Variants in MED13L observed in about 807,000 individuals in gnomAD.
MED13L encodes the protein mediator of RNA polymerase II transcription subunit 13-like.
MED13L carries 7 observed loss-of-function variants against 220.9 expected under a neutral mutation model. That is an observed-to-expected ratio of 0.03 (90% CI 0.02 to 0.06). MED13L has a LOEUF of 0.06. Ranked by LOEUF, MED13L falls within the 10% of genes least tolerant of loss-of-function variation. MED13L has a pLI of 1.00. For missense variants in MED13L, 1,965 were observed against 2,760.5 expected, an observed-to-expected ratio of 0.71 and a Z score of 6.46; for synonymous variants, 1,011 against 1,015.2, an observed-to-expected ratio of 1.00 and a Z score of 0.08.
At position 115,982,538 on chromosome 12, in the gene MED13L, G is replaced by A; in HGVS notation, c.5021C>T (p.Pro1674Leu). The change falls in exon 22 of 31, where the codon CCT (proline) becomes CTT (leucine). Residue 1674 changes from proline to leucine, a missense_variant. Transcript: ENST00000281928. ...CACCATGTAAATGACAACAGCTGGA[G>A]GGTGGGCATGGCTGTCTGCAGAGTC... ...EPDSADSHAH[P>L]PAVVIYMVDP... 1 of 1,614,148 alleles carries A rather than the reference G, an allele frequency of 6.2e-7. No homozygotes were observed. Among genetic ancestry groups the A allele is most frequent in the Non-Finnish European group, 8.5e-7 (1 of 1,180,020 alleles).
intron 2 of MED13L, chr12:116,168,992 A>C (rs1879486333): frequency 6.6e-6 from 1 of 152,252 alleles, no homozygotes; most frequent in African/African-American, 2.4e-5. Flanking sequence ...AGGGGTGTGA[A>C]GGAGGCCACA....
At chr12:116,112,504 T>C (rs530964852) in intron 2 of MED13L, among the ~76,000 whole-genome samples, 2 of 152,310 alleles carry the variant, frequency 1.3e-5, no homozygotes, top group South Asian at 2.1e-4. Flanking sequence ...AACTACACAT[T>C]CAGGCCTTTT....
At chr12:116,050,970 A>G (rs1868455125) in intron 4 of MED13L, among the ~76,000 whole-genome samples, 1 of 152,164 alleles carries the variant, frequency 6.6e-6, no homozygotes, top group African/African-American at 2.4e-5. Context: ...CCAGAAATTT[A>G]CATTCTTCAA....
intron 2 of MED13L, among the ~76,000 whole-genome samples, chr12:116,114,995 A>T (rs753998872): frequency 1.3e-5 from 2 of 152,196 alleles, no homozygotes; most frequent in Non-Finnish European, 2.9e-5. Context: ...CTCAAAACAA[A>T]CTACAGAATC....
intron 1 of MED13L, among the ~76,000 whole-genome samples, chr12:116,251,406 C>T (rs1161783644): frequency 5.6e-5 from 8 of 142,370 alleles, no homozygotes; most frequent in African/African-American, 1.5e-4. Flanking sequence ...GTGATCCACC[C>T]GCCTCGGTCT....
rs766338766 is a variant in MED13L at position 115,961,253 on chromosome 12, AGT to A, written c.*11_*12del. 2 of 1,614,162 alleles carry A rather than the reference AGT, an allele frequency of 1.2e-6. No homozygotes were observed. Among genetic ancestry groups the A allele is most frequent in the South Asian group, 2.2e-5 (2 of 91,084 alleles). The stretch of plus-strand genomic sequence containing the variant: ...AGAAGGAACTGAGCCAGAGAGAACA[AGT>A]GCTTTTCCAATTAAAGTATATTCAT... On this transcript the variant is annotated 3_prime_UTR_variant, in exon 31 of 31. Transcript: ENST00000281928.
chr12:116,019,432 G>C lies in MED13L; in HGVS notation c.821-20C>G, dbSNP rs1267369919. On this transcript the variant is annotated intron_variant, in intron 6 of 30. Transcript: ENST00000281928. ...CACCACCTATAAGCAAAGAGAACAA[G>C]GAAAGAATCAGGACTGAGAAAGAAT... 6.2e-7 allele frequency: 1 copy of C among 1,611,972 alleles called. No homozygotes were observed. The highest frequency in any genetic ancestry group is 1.3e-5 in the African/African-American group (1 of 74,986).
At chr12:116,226,036 CT>C (rs1348789296) in intron 2 of MED13L, among the ~76,000 whole-genome samples, 1 of 150,908 alleles carries the variant, frequency 6.6e-6, no homozygotes, top group East Asian at 1.9e-4. Context: ...CACAAAGCCA[CT>C]TCATCTTTAT....
At chr12:116,066,932 A>T (rs970291826) in intron 4 of MED13L, among the ~76,000 whole-genome samples, 9 of 152,196 alleles carry the variant, frequency 5.9e-5, no homozygotes, top group African/African-American at 1.7e-4. Context: ...ATTAAGTTTA[A>T]CAAACAAAAG....
intron 2 of MED13L, among the ~76,000 whole-genome samples, chr12:116,235,537 A>C (rs1870002617): frequency 6.6e-6 from 1 of 152,054 alleles, no homozygotes; most frequent in Non-Finnish European, 1.5e-5. Flanking sequence ...TGTTTTCCTA[A>C]TTTTCTAACT....
intron 2 of MED13L, among the ~76,000 whole-genome samples, chr12:116,127,503 AAC>A (rs1875697808): frequency 6.6e-6 from 1 of 152,190 alleles, no homozygotes; most frequent in Non-Finnish European, 1.5e-5. Context: ...TAGTCCGTTA[AAC>A]AGTTACTACT....
chr12:116,255,389 G>C (rs753725617), intron 1 of MED13L, among the ~76,000 whole-genome samples: 16 of 152,182 alleles, frequency 1.1e-4, no homozygotes, highest in Non-Finnish European at 2.1e-4. Flanking sequence ...TAAGTTACTG[G>C]ATTGCAAGCC....
chr12:116,082,732 T>C (rs549646624), intron 4 of MED13L: 2 of 151,676 alleles, frequency 1.3e-5, no homozygotes, highest in African/African-American at 4.8e-5. Context: ...ATATTGAAAA[T>C]GGACTACCAC....
chr12:116,192,862 A>T (rs1378081462), intron 2 of MED13L, among the ~76,000 whole-genome samples: 1 of 151,840 alleles, frequency 6.6e-6, no homozygotes, highest in Non-Finnish European at 1.5e-5. Context: ...GCCGGGCGCC[A>T]TGGCTCATGC....
intron 2 of MED13L, among the ~76,000 whole-genome samples, chr12:116,180,565 G>A (rs562273840): frequency 3.3e-5 from 5 of 152,118 alleles, no homozygotes; most frequent in South Asian, 2.1e-4. Flanking sequence ...GGTCCCAAGC[G>A]TTTCAAATAG....
intron 2 of MED13L, among the ~76,000 whole-genome samples, chr12:116,160,252 T>A (rs1366647804): frequency 1.3e-5 from 2 of 152,234 alleles, no homozygotes; most frequent in Non-Finnish European, 2.9e-5. Context: ...AACTGATAGT[T>A]TAAAAATAGT....
At chr12:116,212,074 CACTT>C (rs1417936678) in intron 2 of MED13L, among the ~76,000 whole-genome samples, 6 of 152,132 alleles carry the variant, frequency 3.9e-5, no homozygotes, top group East Asian at 1.9e-4. Flanking sequence ...AGTAAGTCCT[CACTT>C]AATACTGTTG....
chr12:116,029,245 GA>G (rs34603122), intron 4 of MED13L, among the ~76,000 whole-genome samples: 120,469 of 133,990 alleles, frequency 0.9, 54,046 homozygotes, highest in East Asian at 0.94. Context: ...AAGCTTCTCT[GA>G]AAAAAAAAAA....
chr12:116,003,601 T>C (rs141155031), intron 13 of MED13L, among the ~76,000 whole-genome samples: 132 of 152,274 alleles, frequency 8.7e-4, no homozygotes, highest in African/African-American at 3.0e-3. Context: ...TGTAAAATTA[T>C]TGAAATATTC....
Sources: gnomAD v4.1 joint callset for allele counts (sites outside exome capture counted in the v4.1 genomes callset) on GRCh38, gnomAD v4.1.1 for gene constraint, MANE v1.5 for transcripts, NCBI Gene and HGNC (gene_info 2026-07-23, HGNC 2026-07-21) for gene names.